ENO2: variants seen among roughly 807,000 people sequenced by gnomAD.
ENO2 encodes gamma-enolase.
ENO2 carries 19 observed loss-of-function variants against 48.7 expected under a neutral mutation model. The ratio of observed to expected loss-of-function variants is 0.39; its 90% CI spans 0.27 to 0.57. The LOEUF is 0.57. ENO2 is among the 20% of genes least tolerant of loss of function. The pLI is 0.58. For missense variants in ENO2, 416 were observed against 555.0 expected, an observed-to-expected ratio of 0.75 and a Z score of 2.52; for synonymous variants, 198 against 213.4, an observed-to-expected ratio of 0.93 and a Z score of 0.63.
In ENO2 at chr12:6,922,038, TGC is replaced by T; in HGVS notation, c.1068-17_1068-16del. 5.6e-6 allele frequency: 9 copies of T among 1,613,696 alleles called. No homozygotes were observed. The highest frequency in any genetic ancestry group is 7.6e-6 in the Non-Finnish European group (9 of 1,179,726). On this transcript the variant is annotated splice_polypyrimidine_tract_variant and intron_variant, in intron 9 of 11. Transcript: ENST00000229277. The surrounding 1 kb of genome is among the most constrained non-coding windows in gnomAD (Gnocchi z 5.3). ...CCCAGTGTGAGAGCTGGAGAATCAG[TGC>T]TGTGTGTGGATACAGGTGCAAGCTG... is the stretch of plus-strand genomic sequence containing the variant.
rs1555142113 is a variant in ENO2, at chr12:6,921,685, A to G, written c.970A>G (p.Asn324Asp). ...TGTGGGTGATGACCTGACAGTGACC[A>G]ACCCAAAACGTATTGAGCGGGCAGT... ...QIVGDDLTVTNPKRIERAVEE... is the reference protein window; with the variant it reads ...QIVGDDLTVTDPKRIERAVEE... The change falls in exon 9 of 12, where the codon AAC becomes GAC. Residue 324 changes from asparagine to aspartate, a missense_variant. Coordinates refer to ENST00000229277, the MANE Select transcript of ENO2 (RefSeq NM_001975.3). 6.2e-7 allele frequency: 1 copy of G among 1,614,048 alleles called. No individual in the cohort carries two copies. The highest frequency in any genetic ancestry group is 1.3e-5 in the African/African-American group (1 of 74,910).
chr12:6,920,160 G>T (rs1311418028), intron 8 of ENO2, among the ~76,000 whole-genome samples: 1 of 152,124 alleles, frequency 6.6e-6, no homozygotes, highest in Non-Finnish European at 1.5e-5. Flanking sequence ...AAAGAAGGCT[G>T]AGGGGGACTG....
At position 6,922,394 on chromosome 12, in the gene ENO2, G is replaced by A; in HGVS notation, c.1227G>A (p.Gln409=). The change falls in exon 11 of 12, where the codon CAG becomes CAA. Residue 409 remains glutamine (Q), a synonymous_variant. Transcript: ENST00000229277. This position sits in a 1 kb window ranked among gnomAD's most constrained non-coding sequence, Gnocchi z 5.3. ...CRSERLAKYN[Q]LMRIEEELGD... Reference sequence around the variant, plus strand: ...CTGAACGTCTGGCTAAATACAACCAGCTCATGAGGTGAGGGTCCCTGGGGT... The same window carrying A: ...CTGAACGTCTGGCTAAATACAACCAACTCATGAGGTGAGGGTCCCTGGGGT... 6.2e-7 allele frequency: 1 copy of A among 1,614,196 alleles called. No individual in the cohort carries two copies. The highest frequency in any genetic ancestry group is 2.2e-5 in the East Asian group (1 of 44,888).
rs1211722463 is a variant in ENO2 at position 6,922,245 on chromosome 12, A to C, written c.1176+81A>C. On this transcript the variant is annotated intron_variant, in intron 10 of 11. Transcript: ENST00000229277. The surrounding 1 kb of genome is among the most constrained non-coding windows in gnomAD (Gnocchi z 5.3). ...GCTCACCCACCTGGTCTCTCCTTCCAGGTGTTTGAGGGTGTCAGGGGAGTT... is the reference window on the plus strand; with the variant it reads ...GCTCACCCACCTGGTCTCTCCTTCCCGGTGTTTGAGGGTGTCAGGGGAGTT... 1 of 1,608,224 alleles carries C rather than the reference A, an allele frequency of 6.2e-7. No individual in the cohort carries two copies. The highest frequency in any genetic ancestry group is 2.2e-5 in the East Asian group (1 of 44,864).
intron 1 of ENO2, 125 bp from the exon 2 acceptor site, chr12:6,915,696 C>T: frequency 3.6e-6 from 1 of 276,796 alleles, no homozygotes; most frequent in Admixed American, 3.6e-5. Flanking sequence ...GCCTCCCTAC[C>T]CACCCCCCAC....
intron 7 of ENO2, among the ~76,000 whole-genome samples, 153 bp downstream of exon 7, chr12:6,918,315 G>C (rs1298416520): frequency 2.0e-5 from 3 of 152,028 alleles, no homozygotes; most frequent in African/African-American, 7.2e-5. Flanking sequence ...GGATTGCAGA[G>C]AGCCTGCCAA....
chr12:6,922,770 AC>A lies in ENO2; in HGVS notation c.1276del (p.His426IlefsTer33). 6.2e-7 allele frequency: 1 copy of A among 1,614,116 alleles called. No individual in the cohort carries two copies. Among genetic ancestry groups the A allele is most frequent in the South Asian group, 1.1e-5 (1 of 91,080 alleles). Reference protein sequence around the residue: ...ELGDEARFAGHNFRNPSVL With the variant: ...ELGDEARFAGXNFRNPSVL ...TGGGGGATGAAGCTCGCTTTGCCGG[AC>A]ATAACTTCCGTAATCCCAGTGTGCT... On this transcript the variant is annotated frameshift_variant, in exon 12 of 12. Transcript: ENST00000229277. LOFTEE classifies it high-confidence loss of function. This position sits in a 1 kb window ranked among gnomAD's most constrained non-coding sequence, Gnocchi z 5.3.
chr12:6,917,041 C>T lies in ENO2; in HGVS notation c.244C>T (p.Leu82Phe), dbSNP rs782080778. The T allele has an allele frequency of 1.2e-6, 2 of 1,614,150 alleles. No individual in the cohort carries two copies. The highest frequency in any genetic ancestry group is 4.5e-5 in the East Asian group (2 of 44,890). ...GTGATGGAGGCTCTGCCCTCAGGGT[C>T]TCTCTGTGGTGGAGCAAGAGAAACT... Reference protein sequence around the residue: ...TIAPALISSGLSVVEQEKLDN... With the variant: ...TIAPALISSGFSVVEQEKLDN... Residue 82 changes from leucine to phenylalanine, a missense_variant, in exon 5 of 12, where the codon CTC becomes TTC. Transcript: ENST00000229277.
chr12:6,920,717 CTTTTTTTTTT>C (rs781865832), intron 8 of ENO2, among the ~76,000 whole-genome samples: 5 of 95,144 alleles, frequency 5.3e-5, no homozygotes, highest in African/African-American at 1.3e-4. Context: ...TTTTAATTAA[CTTTTTTTTTT>C]TTTTTTTTTT....
chr12:6,916,331 G>A lies in ENO2; in HGVS notation c.86-86G>A, dbSNP rs1945291885. 73 of 1,260,808 alleles carry A rather than the reference G, an allele frequency of 5.8e-5. 3 individuals are homozygous for A. In the South Asian group the frequency reaches 9.7e-4, roughly 17 times the overall value. 78.1% of individuals were successfully genotyped at this position (1,260,808 alleles called of 1,614,324 possible). A position where few individuals can be genotyped will look rare whatever the true frequency, so the allele number is the denominator to read the frequency against. On this transcript the variant is annotated intron_variant, in intron 2 of 11. Transcript: ENST00000229277. This position sits in a 1 kb window ranked among gnomAD's most constrained non-coding sequence, Gnocchi z 4.5. ...TGTGGGGAGAGAGCTAGATGTGGTA[G>A]GCAGGCAGTTTAGAGCCAGAAGGCT...
At position 6,915,857 on chromosome 12, in the gene ENO2, C is replaced by G; in HGVS notation, c.25C>G (p.Arg9Gly). 2.5e-6 allele frequency: 4 copies of G among 1,613,856 alleles called. No individual in the cohort carries two copies. Among genetic ancestry groups the G allele is most frequent in the Non-Finnish European group, 2.5e-6 (3 of 1,179,910 alleles). MSIEKIWA[R>G]EILDSRGNPT... ...CATGTCCATAGAGAAGATCTGGGCC[C>G]GGGAGATCCTGGACTCCCGCGGGAA... Residue 9 changes from arginine to glycine, a missense_variant, in exon 2 of 12, where the codon CGG (arginine) becomes GGG (glycine). Physicochemically the swap from Arg to Gly is moderately radical, Grantham distance 125. Coordinates refer to ENST00000229277, the MANE Select transcript of ENO2 (RefSeq NM_001975.3).
chr12:6,921,556 C>G (rs1014624269), intron 8 of ENO2, 25 bp from the exon 9 acceptor site: 9 of 1,613,108 alleles, frequency 5.6e-6, no homozygotes, highest in South Asian at 2.2e-5. Context: ...ACACCTCCCC[C>G]CTCCCCACCA....
In ENO2 at chr12:6,921,648, A is replaced by G; in HGVS notation, c.933A>G (p.Val311=). 6.2e-7 allele frequency: 1 copy of G among 1,614,104 alleles called. No individual in the cohort carries two copies. Among genetic ancestry groups the G allele is most frequent in the Non-Finnish European group, 8.5e-7 (1 of 1,180,004 alleles). Residue 311 remains valine, a synonymous_variant, in exon 9 of 12, where the codon GTA becomes GTG. Coordinates refer to ENST00000229277, the MANE Select transcript of ENO2 (RefSeq NM_001975.3). The part of the protein sequence containing the change: ...WAAWSKFTAN[V]GIQIVGDDLT... ...CCTGGTCCAAGTTCACAGCCAATGT[A>G]GGGATCCAGATTGTGGGTGATGACC...
At chr12:6,920,242 CAG>C in intron 8 of ENO2, among the ~76,000 whole-genome samples, 1 of 151,930 alleles carries the variant, frequency 6.6e-6, no homozygotes, top group African/African-American at 2.4e-5. Context: ...CTTCCTGACA[CAG>C]AGCGAAAGAA....
chr12:6,922,832 T>G lies in ENO2; in HGVS notation c.*32T>G. The G allele has an allele frequency of 6.2e-7, 1 of 1,609,346 alleles. No individual in the cohort carries two copies. Among genetic ancestry groups the G allele is most frequent in the Non-Finnish European group, 8.5e-7 (1 of 1,175,914 alleles). ...TGCTTGCCTGGAGACGTGGAACCTCTGTCTCATCCTCCTGGAACCTTGCTG... is the reference window on the plus strand; with the variant it reads ...TGCTTGCCTGGAGACGTGGAACCTCGGTCTCATCCTCCTGGAACCTTGCTG... On this transcript the variant is annotated 3_prime_UTR_variant, in exon 12 of 12. Coordinates refer to ENST00000229277, the MANE Select transcript of ENO2 (RefSeq NM_001975.3). The surrounding 1 kb of genome is among the most constrained non-coding windows in gnomAD (Gnocchi z 5.3).
In ENO2 at chr12:6,923,149, G is replaced by A; in HGVS notation, c.*349G>A. 3.3e-6 allele frequency: 1 copy of A among 304,012 alleles called. No homozygotes were observed. The highest frequency in any genetic ancestry group is 6.5e-6 in the Non-Finnish European group (1 of 154,678). 18.8% of individuals were successfully genotyped at this position (304,012 alleles called of 1,614,324 possible). A position where few individuals can be genotyped will look rare whatever the true frequency, so the allele number is the denominator to read the frequency against. On this transcript the variant is annotated 3_prime_UTR_variant, in exon 12 of 12. Transcript: ENST00000229277. ...TCAGGGTTGGTGTGCTGAGGTGTTAGAGAGGGACCATGTGTCACTTGTGCT... is the reference window on the plus strand; with the variant it reads ...TCAGGGTTGGTGTGCTGAGGTGTTAAAGAGGGACCATGTGTCACTTGTGCT...
chr12:6,921,353 A>G, intron 8 of ENO2: 2 of 503,366 alleles, frequency 4.0e-6, no homozygotes, highest in East Asian at 7.1e-5. Flanking sequence ...AGATTGTGCC[A>G]CTGCACTCCA....
Position 6,921,667 on chromosome 12 carries a change from G to A in ENO2, c.952G>A (p.Asp318Asn). The A allele has an allele frequency of 6.2e-7, 1 of 1,614,162 alleles. No homozygotes were observed. Among genetic ancestry groups the A allele is most frequent in the Non-Finnish European group, 8.5e-7 (1 of 1,180,040 alleles). Residue 318 changes from aspartate to asparagine, a missense_variant, in exon 9 of 12, where the codon GAT (aspartate) becomes AAT (asparagine). Asp to Asn is a conservative substitution (Grantham distance 23). Coordinates refer to ENST00000229277, the MANE Select transcript of ENO2 (RefSeq NM_001975.3). The part of the protein sequence containing the change: ...TANVGIQIVG[D>N]DLTVTNPKRI... ...CAATGTAGGGATCCAGATTGTGGGT[G>A]ATGACCTGACAGTGACCAACCCAAA...
intron 7 of ENO2, among the ~76,000 whole-genome samples, chr12:6,918,710 G>A (rs781961186): frequency 1.3e-5 from 2 of 151,006 alleles, no homozygotes; most frequent in Admixed American, 6.6e-5. Context: ...GGCCGGGCGC[G>A]GTGGCTCACA....
Sources: allele counts gnomAD v4.1 joint callset (sites outside exome capture counted in the v4.1 genomes callset), GRCh38; gene constraint gnomAD v4.1.1; non-coding constraint Gnocchi (gnomAD v3.1); transcripts MANE v1.5; gene names NCBI Gene and HGNC (gene_info 2026-07-23, HGNC 2026-07-21).